Variants in PARD3 observed in about 807,000 individuals in gnomAD.
The protein encoded by PARD3 is par-3 family cell polarity regulator, also known as partitioning defective 3 homolog.
Under a neutral mutation model 155.4 loss-of-function variants are expected in PARD3, and 75 were observed. That is an observed-to-expected ratio of 0.48 (90% CI 0.40 to 0.58). The LOEUF (loss-of-function observed/expected upper bound fraction) is 0.58, where lower values mean the gene tolerates loss of function less well. PARD3 is among the 20% of genes least tolerant of loss of function. The pLI, the probability that PARD3 is intolerant of heterozygous loss-of-function variation, is 0.00. For missense variants in PARD3, 1,642 were observed against 1,721.7 expected (o/e 0.95, Z 0.82); for synonymous variants, 576 against 610.5 (o/e 0.94, Z 0.83).
chr10:34,361,786 T>A (rs550172912), intron 12 of PARD3, among the ~76,000 whole-genome samples: 3 of 152,266 alleles, frequency 2.0e-5, no homozygotes, highest in Non-Finnish European at 1.5e-5. Context: ...CCTGATAGTT[T>A]TTAAAGACAA....
chr10:34,135,707 T>A (rs1947858723), intron 22 of PARD3, among the ~76,000 whole-genome samples: 1 of 152,152 alleles, frequency 6.6e-6, no homozygotes, highest in Admixed American at 6.5e-5. Context: ...TTAGGTACGA[T>A]GAGAGGGAAC....
chr10:34,228,151 A>C (rs2439531), intron 22 of PARD3, among the ~76,000 whole-genome samples: 2 of 151,868 alleles, frequency 1.3e-5, no homozygotes, highest in Non-Finnish European at 2.9e-5. Context: ...AAGGAAATGA[A>C]TGTGGGAACA....
intron 5 of PARD3, among the ~76,000 whole-genome samples, chr10:34,447,258 T>C (rs1186002552): frequency 1.3e-5 from 2 of 151,808 alleles, no homozygotes; most frequent in Non-Finnish European, 2.9e-5. Context: ...GGCAGGTGTA[T>C]CACTTGAGGT....
At chr10:34,544,508 A>G (rs2083890397) in intron 2 of PARD3, among the ~76,000 whole-genome samples, 1 of 152,168 alleles carries the variant, frequency 6.6e-6, no homozygotes, top group Non-Finnish European at 1.5e-5. Context: ...TTGGCTCAAA[A>G]TAACACCTGC....
chr10:34,321,459 G>A (rs376408930), intron 19 of PARD3, among the ~76,000 whole-genome samples: 6 of 152,090 alleles, frequency 3.9e-5, no homozygotes, highest in African/African-American at 9.7e-5. Flanking sequence ...CACAAAGAGC[G>A]ATGATTATCT....
At chr10:34,257,190 G>A (rs762724098) in intron 22 of PARD3, among the ~76,000 whole-genome samples, 6 of 152,170 alleles carry the variant, frequency 3.9e-5, no homozygotes, top group Admixed American at 6.5e-5. Flanking sequence ...ACTGGATTGC[G>A]GATTTAGGGC....
chr10:34,160,242 C>T (rs1353724352), intron 22 of PARD3, among the ~76,000 whole-genome samples: 1 of 152,148 alleles, frequency 6.6e-6, no homozygotes, highest in Non-Finnish European at 1.5e-5. Context: ...TCATTAAATC[C>T]TAAATATAGG....
At chr10:34,788,004 G>A (rs1049671796) in intron 1 of PARD3, among the ~76,000 whole-genome samples, 8 of 149,770 alleles carry the variant, frequency 5.3e-5, no homozygotes, top group South Asian at 4.2e-4. Context: ...GGTGGCTAGC[G>A]AATTCCTGGC....
intron 2 of PARD3, among the ~76,000 whole-genome samples, chr10:34,566,986 C>T (rs2086001335): frequency 6.6e-6 from 1 of 152,014 alleles, no homozygotes; most frequent in Non-Finnish European, 1.5e-5. Flanking sequence ...TTTAAGATAA[C>T]ATTTAACTTC....
At chr10:34,733,947 T>TG (rs1490094275) in intron 1 of PARD3, among the ~76,000 whole-genome samples, 43 of 130,484 alleles carry the variant, frequency 3.3e-4, no homozygotes, top group Non-Finnish European at 5.8e-4. Context: ...AAATCAAAGC[T>TG]GTTTTTTTTT....
chr10:34,368,544 C>G (rs1840223050), intron 12 of PARD3, among the ~76,000 whole-genome samples: 3 of 152,110 alleles, frequency 2.0e-5, no homozygotes, highest in South Asian at 4.2e-4. Flanking sequence ...TGGTGGCGGG[C>G]ACCTGTAGTC....
intron 4 of PARD3, among the ~76,000 whole-genome samples, chr10:34,468,941 G>C (rs546760567): frequency 6.6e-6 from 1 of 152,158 alleles, no homozygotes; most frequent in South Asian, 2.1e-4. Context: ...AATATATACT[G>C]TGCTAACTTA....
At chr10:34,224,090 G>C (rs887538839) in intron 22 of PARD3, among the ~76,000 whole-genome samples, 1 of 152,090 alleles carries the variant, frequency 6.6e-6, no homozygotes, top group African/African-American at 2.4e-5. Flanking sequence ...TCAGCCTCAG[G>C]AGGGAGAAGT....
intron 3 of PARD3, among the ~76,000 whole-genome samples, chr10:34,476,845 A>G (rs2078741544): frequency 6.6e-6 from 1 of 152,230 alleles, no homozygotes; most frequent in African/African-American, 2.4e-5. Flanking sequence ...ATGGTGCAGT[A>G]GTAGTCACAA....
At chr10:34,540,195 G>A (rs576064440) in intron 2 of PARD3, among the ~76,000 whole-genome samples, 1 of 152,062 alleles carries the variant, frequency 6.6e-6, no homozygotes, top group African/African-American at 2.4e-5. Flanking sequence ...ACAACAGCAC[G>A]CATTAGAGCA....
In PARD3 at chr10:34,382,915, G is replaced by A. The variant is rs1035552840; in HGVS notation, c.1024C>T (p.His342Tyr). Residue 342 changes from histidine to tyrosine, a missense_variant, in exon 9 of 25, where the codon CAT becomes TAT. Physicochemically the swap from His to Tyr is moderately conservative, Grantham distance 83. This residue lies in a region of PARD3 where 1,529 missense variants were observed against 1,587.3 expected (regional missense o/e 0.96). Transcript: ENST00000374788. ...LRNRRFEQAQ[H>Y]MFRQAMRTPI... ...GTACGCATGGCTTGGCGAAACATAT[G>A]TTGTGCTCTGGGTTTGAGAAAGAAT... 1 of 1,613,692 alleles carries A rather than the reference G, an allele frequency of 6.2e-7. No homozygotes were observed. The highest frequency in any genetic ancestry group is 1.7e-5 in the Admixed American group (1 of 59,922).
At chr10:34,116,480 G>A (rs1946678390) in intron 24 of PARD3, among the ~76,000 whole-genome samples, 1 of 152,162 alleles carries the variant, frequency 6.6e-6, no homozygotes, top group African/African-American at 2.4e-5. Flanking sequence ...TCACGGAGGT[G>A]GTTGCAGTCC....
At chr10:34,113,846 A>G (rs1462272684) in intron 24 of PARD3, among the ~76,000 whole-genome samples, 1 of 152,166 alleles carries the variant, frequency 6.6e-6, no homozygotes, top group African/African-American at 2.4e-5. Context: ...GGTTGTGGGG[A>G]GAAAGAAATG....
intron 5 of PARD3, among the ~76,000 whole-genome samples, chr10:34,412,419 C>T (rs907116729): frequency 2.6e-5 from 4 of 152,194 alleles, no homozygotes; most frequent in African/African-American, 9.7e-5. Context: ...TAAGGACCCA[C>T]ACTTTACCTC....
Sources: gnomAD v4.1 joint callset for allele counts (sites outside exome capture counted in the v4.1 genomes callset) on GRCh38, gnomAD v4.1.1 for gene constraint, gnomAD v4.1.1 regional missense constraint, MANE v1.5 for transcripts, NCBI Gene and HGNC (gene_info 2026-07-23, HGNC 2026-07-21) for gene names.